The following ITPR3 variants were observed in gnomAD, a reference collection of about 807,000 sequenced individuals.
ITPR3 encodes inositol 1,4,5-trisphosphate receptor type 3.
In ITPR3, 173 loss-of-function variants were observed where a neutral mutation model predicts 293.2. The ratio of observed to expected loss-of-function variants is 0.59; its 90% CI spans 0.52 to 0.67. ITPR3 has a LOEUF of 0.67. Among genes scored for constraint, ITPR3 ranks in the 30% least tolerant of loss-of-function variants. The pLI is 0.00. For synonymous variants in ITPR3, 1,295 were observed against 1,444.4 expected, an observed-to-expected ratio of 0.90 and a Z score of 2.35; for missense variants, 2,796 against 3,592.1, an observed-to-expected ratio of 0.78 and a Z score of 5.66.
In ITPR3 at chr6:33,679,921, G is replaced by A; in HGVS notation, c.4012G>A (p.Asp1338Asn). Reference sequence around the variant, plus strand: ...TGACGATGTGGTCGTGTTCTACAATGATAAGGCATCGCTGGCCCACCTGCT... The same window carrying A: ...TGACGATGTGGTCGTGTTCTACAATAATAAGGCATCGCTGGCCCACCTGCT... ...AGDDVVVFYN[D>N]KASLAHLLDM... The change falls in exon 31 of 58, where the codon GAT becomes AAT. Residue 1338 changes from aspartate to asparagine, a missense_variant. This residue lies in a region of ITPR3 where 344 missense variants were observed against 460.3 expected (regional missense o/e 0.75). Coordinates refer to ENST00000605930, the MANE Select transcript of ITPR3 (RefSeq NM_002224.4). The surrounding 1 kb of genome is among the most constrained non-coding windows in gnomAD (Gnocchi z 4.2). 1 of 1,613,888 alleles carries A rather than the reference G, an allele frequency of 6.2e-7. No homozygotes were observed. The highest frequency in any genetic ancestry group is 1.7e-5 in the Admixed American group (1 of 60,020).
chr6:33,688,565 T>G, intron 48 of ITPR3, 91 bp from the exon 49 acceptor site: 1 of 1,565,990 alleles, frequency 6.4e-7, no homozygotes, highest in Non-Finnish European at 8.6e-7. Flanking sequence ...CTCTTCCATG[T>G]GTGGCTTCCT....
At position 33,621,936 on chromosome 6, in the gene ITPR3, C is replaced by T. The variant is rs576600336; in HGVS notation, c.89+245C>T. ...CCTCGGCGGCGCAGCCTCTACCCTC[C>T]CGCGCACGCCTTTGGAGGGGGCGGA... On this transcript the variant is annotated intron_variant, in intron 1 of 57. Transcript: ENST00000605930. The surrounding 1 kb of genome is among the most constrained non-coding windows in gnomAD (Gnocchi z 7.7). Among the ~76,000 whole-genome samples the T allele has an allele frequency of 6.6e-6, 1 of 152,308 alleles. No homozygotes were observed. The highest frequency in any genetic ancestry group is 2.4e-5 in the African/African-American group (1 of 41,576).
chr6:33,685,667 C>G lies in ITPR3; in HGVS notation c.5507C>G (p.Pro1836Arg). ...GGCCGCGTGGCCTCCTTCTCGATAC[C>G]TGGCTCCTCATCCCGCTACTCGCTG... ...TKGRVASFSI[P>R]GSSSRYSLGP... Residue 1836 changes from proline to arginine, a missense_variant, in exon 41 of 58, where the codon CCT becomes CGT. Physicochemically the swap from Pro to Arg is moderately radical, Grantham distance 103. Coordinates refer to ENST00000605930, the MANE Select transcript of ITPR3 (RefSeq NM_002224.4). 1 of 1,593,226 alleles carries G rather than the reference C, an allele frequency of 6.3e-7. No individual in the cohort carries two copies. The highest frequency in any genetic ancestry group is 8.6e-7 in the Non-Finnish European group (1 of 1,167,670).
intron 1 of ITPR3, among the ~76,000 whole-genome samples, chr6:33,634,937 G>A (rs1054535746): frequency 6.6e-6 from 1 of 151,942 alleles, no homozygotes; most frequent in African/African-American, 2.4e-5. Flanking sequence ...TCTTTCCCCC[G>A]CTACAAGGCC....
chr6:33,683,634 T>C lies in ITPR3; in HGVS notation c.4788+237T>C, dbSNP rs1765142314. On this transcript the variant is annotated intron_variant, in intron 35 of 57. Coordinates refer to ENST00000605930, the MANE Select transcript of ITPR3 (RefSeq NM_002224.4). This position sits in a 1 kb window ranked among gnomAD's most constrained non-coding sequence, Gnocchi z 4.5. Reference sequence around the variant, plus strand: ...AGAACCCAGAGGCCTGCTAGTGGGGTTGGAGCTCATGAGGGGGTCGGGACC... The same window carrying C: ...AGAACCCAGAGGCCTGCTAGTGGGGCTGGAGCTCATGAGGGGGTCGGGACC... Among the ~76,000 whole-genome samples, 2 of 152,072 alleles carry C rather than the reference T, an allele frequency of 1.3e-5. No homozygotes were observed. The highest frequency in any genetic ancestry group is 2.9e-5 in the Non-Finnish European group (2 of 67,988).
At chr6:33,656,601 C>T (rs1353834711) in intron 3 of ITPR3, among the ~76,000 whole-genome samples, 2 of 152,166 alleles carry the variant, frequency 1.3e-5, no homozygotes, top group South Asian at 4.1e-4. Context: ...ACATGTGGAT[C>T]GTGCCATGAT....
At chr6:33,686,631 T>C (rs557838841) in intron 43 of ITPR3, 112 bp downstream of exon 43, 21 of 824,706 alleles carry the variant, frequency 2.5e-5, no homozygotes, top group South Asian at 2.0e-4. Context: ...GGTGTTAGCA[T>C]TGTGTGATGG....
rs1764292626 is a variant in ITPR3, at chr6:33,655,806, C to A, written c.201C>A (p.Ala67=). Reference sequence around the variant, plus strand: ...TGTGCCCCATGAACCGCTACTCGGCCCAGAAGCAGTACTGGAAGGCCAAGC... The same window carrying A: ...TGTGCCCCATGAACCGCTACTCGGCACAGAAGCAGTACTGGAAGGCCAAGC... The part of the protein sequence containing the change: ...FKVCPMNRYS[A]QKQYWKAKQT... The change falls in exon 3 of 58, where the codon GCC becomes GCA. Residue 67 remains alanine, a synonymous_variant. Transcript: ENST00000605930. The surrounding 1 kb of genome is among the most constrained non-coding windows in gnomAD (Gnocchi z 4.9). 2 of 1,614,000 alleles carry A rather than the reference C, an allele frequency of 1.2e-6. No homozygotes were observed. The highest frequency in any genetic ancestry group is 1.7e-5 in the Admixed American group (1 of 59,992).
rs569424150 is a variant in ITPR3 at position 33,678,746 on chromosome 6, C to T, written c.3879C>T (p.His1293=). ...LQHFVHLLAT[H]GRHVQYLDFL... ...ACTTCGTGCACCTGCTGGCCACGCACGGGCGCCATGTGCAGTACCTGGACT... is the reference window on the plus strand; with the variant it reads ...ACTTCGTGCACCTGCTGGCCACGCATGGGCGCCATGTGCAGTACCTGGACT... The change falls in exon 30 of 58, where the codon CAC becomes CAT. Residue 1293 remains histidine (H), a synonymous_variant. Coordinates refer to ENST00000605930, the MANE Select transcript of ITPR3 (RefSeq NM_002224.4). 32 of 1,613,512 alleles carry T rather than the reference C, an allele frequency of 2.0e-5. No individual in the cohort carries two copies. Among genetic ancestry groups the T allele is most frequent in the African/African-American group, 1.2e-4 (9 of 75,034 alleles).
chr6:33,621,371 G>C lies in ITPR3; in HGVS notation c.-232G>C. Reference sequence around the variant, plus strand: ...CAGGTACGCGCGGGCCGGGCGGGGCGGGCGGGCGGCGGGCGCGCCAAGACG... The same window carrying C: ...CAGGTACGCGCGGGCCGGGCGGGGCCGGCGGGCGGCGGGCGCGCCAAGACG... On this transcript the variant is annotated 5_prime_UTR_variant, in exon 1 of 58. Transcript: ENST00000605930. The surrounding 1 kb of genome is among the most constrained non-coding windows in gnomAD (Gnocchi z 7.7). 1 of 252,704 alleles carries C rather than the reference G, an allele frequency of 4.0e-6. No individual in the cohort carries two copies. Among genetic ancestry groups the C allele is most frequent in the Non-Finnish European group, 7.5e-6 (1 of 134,030 alleles). 15.7% of individuals were successfully genotyped at this position (252,704 alleles called of 1,614,324 possible).
intron 1 of ITPR3, among the ~76,000 whole-genome samples, chr6:33,622,895 A>G (rs1763470997): frequency 6.6e-6 from 1 of 152,190 alleles, no homozygotes; most frequent in South Asian, 2.1e-4. Context: ...CTCACCTGGC[A>G]TTCCAGCCTG....
chr6:33,650,540 A>G lies in ITPR3; in HGVS notation c.161-5226A>G, dbSNP rs541009428. On this transcript the variant is annotated intron_variant, in intron 2 of 57. Coordinates refer to ENST00000605930, the MANE Select transcript of ITPR3 (RefSeq NM_002224.4). ...GCTCTGACCCGCTAGTGGGCTGTGAAGTCACTTGAATGGGCTCAGCCATCA... is the reference window on the plus strand; with the variant it reads ...GCTCTGACCCGCTAGTGGGCTGTGAGGTCACTTGAATGGGCTCAGCCATCA... Among the ~76,000 whole-genome samples, 8 of 152,356 alleles carry G rather than the reference A, an allele frequency of 5.3e-5. No individual in the cohort carries two copies. The South Asian group carries it at 1.4e-3, about 28-fold the overall frequency.
At chr6:33,649,589 A>C (rs1403817895) in intron 2 of ITPR3, among the ~76,000 whole-genome samples, 1 of 152,248 alleles carries the variant, frequency 6.6e-6, no homozygotes, top group Non-Finnish European at 1.5e-5. Flanking sequence ...CCACAATGAC[A>C]TCTTGGGTGT....
In ITPR3 at chr6:33,643,543, C is replaced by T. The variant is rs140619163; in HGVS notation, c.160+2989C>T. 8.8e-3 allele frequency among the ~76,000 whole-genome samples: 1,346 copies of T among 152,366 alleles called. 23 individuals are homozygous for T. The highest frequency in any genetic ancestry group is 0.026 in the African/African-American group (1,074 of 41,586). ...GCCCTTGAACTCTGCCTGGCTGTAA[C>T]GTTTCGGGCTGTGGCTGCCGTGAGT... On this transcript the variant is annotated intron_variant, in intron 2 of 57. Transcript: ENST00000605930.
intron 1 of ITPR3, among the ~76,000 whole-genome samples, chr6:33,636,826 C>T (rs1260395969): frequency 2.0e-5 from 3 of 152,022 alleles, no homozygotes; most frequent in Non-Finnish European, 4.4e-5. Context: ...TCAAGATGCC[C>T]AACGACGTGA....
chr6:33,665,354 G>A, intron 13 of ITPR3, 141 bp downstream of exon 13: 1 of 1,149,866 alleles, frequency 8.7e-7, no homozygotes, highest in Non-Finnish European at 1.2e-6. Flanking sequence ...CCCTGGCTGA[G>A]CCTGGGACCC....
intron 1 of ITPR3, among the ~76,000 whole-genome samples, chr6:33,629,808 C>G (rs1043706171): frequency 2.0e-5 from 3 of 151,640 alleles, no homozygotes; most frequent in African/African-American, 7.3e-5. Context: ...AATCAGGATC[C>G]TAGGCCAGGC....
At chr6:33,628,487 C>A (rs113325211) in intron 1 of ITPR3, among the ~76,000 whole-genome samples, 2 of 152,170 alleles carry the variant, frequency 1.3e-5, no homozygotes, top group Non-Finnish European at 2.9e-5. Context: ...CTTGGGGTCA[C>A]GCAGCAGGGG....
In ITPR3 at chr6:33,672,697, C is replaced by A. The variant is rs1764801179; in HGVS notation, c.2928+469C>A. On this transcript the variant is annotated intron_variant, in intron 22 of 57. Transcript: ENST00000605930. This position sits in a 1 kb window ranked among gnomAD's most constrained non-coding sequence, Gnocchi z 5.0. ...ACCCTCCAGGTGATTCTGAGGTGCA[C>A]TGAAGTCTAGTTCAATTCTCCCATT... is the stretch of plus-strand genomic sequence containing the variant. 6.6e-6 allele frequency among the ~76,000 whole-genome samples: 1 copy of A among 152,186 alleles called. No homozygotes were observed. Among genetic ancestry groups the A allele is most frequent in the Non-Finnish European group, 1.5e-5 (1 of 68,040 alleles).
Sources: gnomAD v4.1 joint callset for allele counts (sites outside exome capture counted in the v4.1 genomes callset) on GRCh38, gnomAD v4.1.1 for gene constraint, gnomAD v4.1.1 regional missense constraint, Gnocchi (gnomAD v3.1) non-coding constraint, MANE v1.5 for transcripts, NCBI Gene and HGNC (gene_info 2026-07-23, HGNC 2026-07-21) for gene names.